SLC35F1: variants seen among roughly 807,000 people sequenced by gnomAD.
The protein encoded by SLC35F1 is chromosome 6 open reading frame 169.
In SLC35F1, 14 loss-of-function variants were observed where a neutral mutation model predicts 48.7. The observed-to-expected ratio is 0.29, with a 90% CI of 0.19 to 0.45. The LOEUF is 0.45. Among genes scored for constraint, SLC35F1 ranks in the 20% least tolerant of loss-of-function variants. The pLI, the probability that SLC35F1 is intolerant of heterozygous loss-of-function variation, is 1.00. For synonymous variants in SLC35F1, 190 were observed against 202.2 expected (o/e 0.94, Z 0.51); for missense variants, 404 against 500.0 (o/e 0.81, Z 1.83).
rs189025191 is a variant in SLC35F1, at chr6:118,128,805, G to C, written c.174-25640G>C. On this transcript the variant is annotated intron_variant, in intron 1 of 7. Transcript: ENST00000360388. ...GTGCACATGTACCCAAAAACTTAAA[G>C]TATAATAATAAAAATAAATAAATAA... 3.8e-3 allele frequency among the ~76,000 whole-genome samples: 571 copies of C among 151,162 alleles called. 4 individuals are homozygous for C. The highest frequency in any genetic ancestry group is 0.014 in the African/African-American group (556 of 41,024).
intron 1 of SLC35F1, among the ~76,000 whole-genome samples, chr6:118,118,365 A>C (rs1190748847): frequency 6.6e-6 from 1 of 152,212 alleles, no homozygotes; most frequent in Non-Finnish European, 1.5e-5. Flanking sequence ...TCTATTTATC[A>C]TAGAGTGATA....
intron 7 of SLC35F1, among the ~76,000 whole-genome samples, chr6:118,305,308 A>C (rs1340329012): frequency 6.6e-6 from 1 of 151,566 alleles, no homozygotes; most frequent in Non-Finnish European, 1.5e-5. Flanking sequence ...CCCCACCCAC[A>C]TTATGGAAAG....
intron 7 of SLC35F1, among the ~76,000 whole-genome samples, chr6:118,308,368 A>C (rs892712790): frequency 2.6e-5 from 4 of 152,218 alleles, no homozygotes; most frequent in Non-Finnish European, 5.9e-5. Context: ...TCACAAACTT[A>C]ATTAAAAGTC....
At chr6:118,191,386 G>A (rs1357781974) in intron 2 of SLC35F1, among the ~76,000 whole-genome samples, 2 of 152,090 alleles carry the variant, frequency 1.3e-5, no homozygotes, top group South Asian at 2.1e-4. Context: ...AGGCATAAAC[G>A]AAAAGATATT....
At chr6:118,084,613 T>C (rs1772958391) in intron 1 of SLC35F1, among the ~76,000 whole-genome samples, 1 of 152,126 alleles carries the variant, frequency 6.6e-6, no homozygotes, top group East Asian at 1.9e-4. Context: ...TTCAAAGCAA[T>C]ACTAAAGTAC....
intron 1 of SLC35F1, among the ~76,000 whole-genome samples, chr6:117,985,248 T>A (rs1252016111): frequency 6.6e-6 from 1 of 152,200 alleles, no homozygotes; most frequent in Non-Finnish European, 1.5e-5. Flanking sequence ...ACTGAGAGGT[T>A]GAATCACAGG....
intron 1 of SLC35F1, among the ~76,000 whole-genome samples, chr6:118,140,493 T>C (rs1773870179): frequency 6.6e-6 from 1 of 152,210 alleles, no homozygotes; most frequent in East Asian, 1.9e-4. Flanking sequence ...TGTACAGTAA[T>C]ACTTGTACTA....
At chr6:118,244,722 C>A (rs770116963) in intron 3 of SLC35F1, among the ~76,000 whole-genome samples, 7 of 152,166 alleles carry the variant, frequency 4.6e-5, no homozygotes, top group Non-Finnish European at 7.4e-5. Flanking sequence ...TTTTCTCTTT[C>A]AAGTTTGTAA....
intron 1 of SLC35F1, among the ~76,000 whole-genome samples, chr6:117,926,084 A>G (rs1776023677): frequency 6.6e-6 from 1 of 152,132 alleles, no homozygotes; most frequent in Non-Finnish European, 1.5e-5. Context: ...TGACAGTGAT[A>G]TGGTTTGGCT....
intron 4 of SLC35F1, 63 bp downstream of exon 4, chr6:118,267,217 A>T: frequency 6.3e-7 from 1 of 1,586,562 alleles, no homozygotes; most frequent in Non-Finnish European, 8.6e-7. Context: ...CAAGAAATGG[A>T]ATGTTCATAG....
chr6:118,091,829 C>A (rs1324688859), intron 1 of SLC35F1, among the ~76,000 whole-genome samples: 1 of 152,106 alleles, frequency 6.6e-6, no homozygotes, highest in Non-Finnish European at 1.5e-5. Flanking sequence ...ACAATAAAGT[C>A]TAGGCTAAGG....
intron 1 of SLC35F1, among the ~76,000 whole-genome samples, chr6:117,984,644 C>T (rs901451274): frequency 1.3e-5 from 2 of 152,140 alleles, no homozygotes; most frequent in Non-Finnish European, 2.9e-5. Flanking sequence ...GCTACAACAG[C>T]AGAGTTGGGT....
intron 2 of SLC35F1, among the ~76,000 whole-genome samples, chr6:118,219,041 TA>T (rs1180540812): frequency 1.3e-5 from 2 of 152,354 alleles, no homozygotes; most frequent in East Asian, 3.9e-4. Flanking sequence ...GAAGGAAGTC[TA>T]TTTCTATGAA....
At chr6:118,098,372 T>C (rs979950270) in intron 1 of SLC35F1, among the ~76,000 whole-genome samples, 2 of 152,282 alleles carry the variant, frequency 1.3e-5, no homozygotes, top group East Asian at 3.9e-4. Flanking sequence ...AGTGCTGTCT[T>C]CACTATCCCA....
chr6:117,987,024 AC>A (rs985063048), intron 1 of SLC35F1, among the ~76,000 whole-genome samples: 8 of 152,300 alleles, frequency 5.3e-5, no homozygotes, highest in Admixed American at 5.2e-4. Flanking sequence ...ATTCAGATAA[AC>A]TGCCAGGGTT....
At chr6:117,913,858 C>T (rs2476202) in intron 1 of SLC35F1, among the ~76,000 whole-genome samples, 16,126 of 152,064 alleles carry the variant, frequency 0.11, 2,040 homozygotes, top group African/African-American at 0.3. Context: ...TGAGACCAAC[C>T]TGGCCAACAT....
chr6:117,951,470 G>A (rs1361975903), intron 1 of SLC35F1, among the ~76,000 whole-genome samples: 2 of 152,192 alleles, frequency 1.3e-5, no homozygotes, highest in Admixed American at 1.3e-4. Flanking sequence ...ATGAGATTTA[G>A]TTGTTTAGTA....
At chr6:118,227,836 T>C (rs979416536) in intron 2 of SLC35F1, among the ~76,000 whole-genome samples, 2 of 152,152 alleles carry the variant, frequency 1.3e-5, no homozygotes, top group Non-Finnish European at 2.9e-5. Context: ...TCTTGAAGGA[T>C]GAGTAGGAGC....
intron 1 of SLC35F1, among the ~76,000 whole-genome samples, chr6:117,968,016 ATGAC>A (rs1296563580): frequency 2.0e-5 from 3 of 152,222 alleles, no homozygotes; most frequent in African/African-American, 7.2e-5. Context: ...TCTAAAATAA[ATGAC>A]AGAGAGATTA....
Sources: allele counts gnomAD v4.1 joint callset (sites outside exome capture counted in the v4.1 genomes callset), GRCh38; gene constraint gnomAD v4.1.1; transcripts MANE v1.5; gene names NCBI Gene and HGNC (gene_info 2026-07-23, HGNC 2026-07-21).